Variants in TRA2A observed in about 807,000 individuals in gnomAD.
TRA2A encodes the protein transformer-2 protein homolog alpha.
In TRA2A, 31 loss-of-function variants were observed where a neutral mutation model predicts 45.7. That is an observed-to-expected ratio of 0.68 (90% confidence interval 0.51 to 0.92). TRA2A has a LOEUF of 0.92. Among genes scored for constraint, TRA2A ranks in the 40% least tolerant of loss-of-function variants. The probability of loss-of-function intolerance (pLI) is 0.00; values close to 1 mark genes in which losing one functional copy is unlikely to be tolerated. For missense variants in TRA2A, 304 were observed against 367.5 expected (o/e 0.83, Z 1.41); for synonymous variants, 132 against 126.2 (o/e 1.05, Z -0.31).
chr7:23,514,009 G>C (rs1281595659), intron 3 of TRA2A, among the ~76,000 whole-genome samples: 1 of 152,050 alleles, frequency 6.6e-6, no homozygotes, highest in Non-Finnish European at 1.5e-5. Context: ...AAATACTTAG[G>C]CTAAATTGTG....
intron 4 of TRA2A, among the ~76,000 whole-genome samples, chr7:23,511,953 T>A (rs531976574): frequency 6.6e-6 from 1 of 152,280 alleles, no homozygotes; most frequent in Admixed American, 6.5e-5. Context: ...AAATTAAACA[T>A]ATCAAACCCA....
chr7:23,506,486 T>C (rs899507393), intron 5 of TRA2A: 3 of 470,210 alleles, frequency 6.4e-6, no homozygotes, highest in Non-Finnish European at 7.3e-6. Flanking sequence ...TCAAAACTAT[T>C]AACTGCTTTT....
Position 23,505,470 on chromosome 7 carries a change from A to G in TRA2A, c.*89T>C. 2 of 571,472 alleles carry G rather than the reference A, an allele frequency of 3.5e-6. No individual in the cohort carries two copies. Among genetic ancestry groups the G allele is most frequent in the Non-Finnish European group, 3.1e-6 (1 of 320,434 alleles). 35.4% of individuals were successfully genotyped at this position (571,472 alleles called of 1,614,324 possible). On this transcript the variant is annotated 3_prime_UTR_variant, in exon 8 of 8. Coordinates refer to ENST00000297071, the MANE Select transcript of TRA2A (RefSeq NM_013293.5). ...AAAGTTTTTTTCTTAAGGAGTAGGA[A>G]GAATCCACAGCTTGGGGAAATCTCA...
intron 1 of TRA2A, among the ~76,000 whole-genome samples, chr7:23,529,609 C>G (rs887687622): frequency 6.6e-6 from 1 of 152,136 alleles, no homozygotes; most frequent in African/African-American, 2.4e-5. Flanking sequence ...TCGCATTGTT[C>G]TAATTCTTTA....
intron 1 of TRA2A, among the ~76,000 whole-genome samples, chr7:23,525,519 T>TC (rs1790306368): frequency 6.6e-6 from 1 of 152,216 alleles, no homozygotes; most frequent in Non-Finnish European, 1.5e-5. Context: ...TAAATAGGCC[T>TC]CCAGTCTATC....
chr7:23,520,544 T>C (rs1790088878), intron 2 of TRA2A, among the ~76,000 whole-genome samples: 1 of 152,222 alleles, frequency 6.6e-6, no homozygotes, highest in African/African-American at 2.4e-5. Context: ...GTATGGTTGC[T>C]AACCCCAAGA....
At chr7:23,531,377 G>A in intron 1 of TRA2A, 2 of 402,094 alleles carry the variant, frequency 5.0e-6, no homozygotes, top group Non-Finnish European at 7.1e-6. Context: ...CCTCTACGAT[G>A]CTCGGGGTCG....
At position 23,506,370 on chromosome 7, in the gene TRA2A, T is replaced by A. The variant is rs1562784606; in HGVS notation, c.642-104A>T. ...AAAAAGAGAAAAGTGAGGAAGAACA[T>A]CCCTTTCATGAGAAATTGCCTCCGT... On this transcript the variant is annotated intron_variant, in intron 5 of 7. Coordinates refer to ENST00000297071, the MANE Select transcript of TRA2A (RefSeq NM_013293.5). 7.4e-6 allele frequency: 10 copies of A among 1,345,152 alleles called. No homozygotes were observed. The African/African-American group carries it at 1.5e-4, about 20-fold the overall frequency. The allele number at this position is 1,345,152 out of a possible 1,614,324, so 83.3% of individuals were successfully genotyped here. A position where few individuals can be genotyped will look rare whatever the true frequency, so the allele number is the denominator to read the frequency against.
intron 1 of TRA2A, among the ~76,000 whole-genome samples, chr7:23,524,106 A>G (rs549543558): frequency 6.6e-6 from 1 of 152,356 alleles, no homozygotes; most frequent in African/African-American, 2.4e-5. Flanking sequence ...GTAACATCTT[A>G]AAATTCCAAT....
rs759167847 is a variant in TRA2A, at chr7:23,512,878, TA to T, written c.525+15del. 1 of 1,586,984 alleles carries T rather than the reference TA, an allele frequency of 6.3e-7. No individual in the cohort carries two copies. The highest frequency in any genetic ancestry group is 8.6e-7 in the Non-Finnish European group (1 of 1,164,198). ...TAATTCAGTACTATAATCAGGCATA[TA>T]AAAGACAAATTTACCTCCTTTGAGT... On this transcript the variant is annotated intron_variant, in intron 4 of 7. Transcript: ENST00000297071.
At chr7:23,506,484 A>C (rs1403030994) in intron 5 of TRA2A, 2 of 472,878 alleles carry the variant, frequency 4.2e-6, no homozygotes, top group African/African-American at 1.9e-5. Context: ...TCTCAAAACT[A>C]TTAACTGCTT....
intron 1 of TRA2A, chr7:23,522,121 AT>A (rs1167817040): frequency 7.9e-7 from 1 of 1,263,870 alleles, no homozygotes; most frequent in Non-Finnish European, 1.0e-6. Flanking sequence ...TAAACCATAC[AT>A]TTACTTAACC....
chr7:23,522,425 A>C, intron 1 of TRA2A: 1 of 1,258,338 alleles, frequency 7.9e-7, no homozygotes, highest in Non-Finnish European at 1.0e-6. Context: ...TTCTTCACGA[A>C]CATTAACCTT....
At position 23,531,856 on chromosome 7, in the gene TRA2A, A is replaced by C; in HGVS notation, c.-32T>G. 1 of 1,613,292 alleles carries C rather than the reference A, an allele frequency of 6.2e-7. No homozygotes were observed. The highest frequency in any genetic ancestry group is 8.5e-7 in the Non-Finnish European group (1 of 1,179,892). On this transcript the variant is annotated 5_prime_UTR_variant, in exon 1 of 8. Transcript: ENST00000297071. Reference sequence around the variant, plus strand: ...GAGGCGCTCCCCAGAACTAAATAAGAGACAAGTCTCGGCTCGAGGGCCGAT... The same window carrying C: ...GAGGCGCTCCCCAGAACTAAATAAGCGACAAGTCTCGGCTCGAGGGCCGAT...
At chr7:23,515,838 G>A (rs1043908605) in intron 3 of TRA2A, among the ~76,000 whole-genome samples, 4 of 150,312 alleles carry the variant, frequency 2.7e-5, no homozygotes, top group South Asian at 2.2e-4. Context: ...GAGCCACCAC[G>A]CCCAGCCTTC....
chr7:23,507,566 T>C, intron 4 of TRA2A, 31 bp from the exon 5 acceptor site: 3 of 1,455,626 alleles, frequency 2.1e-6, no homozygotes, highest in Non-Finnish European at 2.9e-6. Context: ...AAGTCACGTA[T>C]AATTCACCAG....
At chr7:23,530,272 C>T (rs940700558) in intron 1 of TRA2A, among the ~76,000 whole-genome samples, 1 of 152,118 alleles carries the variant, frequency 6.6e-6, no homozygotes, top group African/African-American at 2.4e-5. Context: ...CATTTGTTTC[C>T]ATGCTCCAAA....
chr7:23,512,359 T>G (rs1789661576), intron 4 of TRA2A, among the ~76,000 whole-genome samples: 1 of 152,152 alleles, frequency 6.6e-6, no homozygotes, highest in South Asian at 2.1e-4. Context: ...TGGCCCACAC[T>G]TGTAGTGTCT....
chr7:23,523,066 G>A (rs1335878141), intron 1 of TRA2A, among the ~76,000 whole-genome samples: 1 of 152,036 alleles, frequency 6.6e-6, no homozygotes, highest in Non-Finnish European at 1.5e-5. Flanking sequence ...TTCCCCATTA[G>A]CTTATTAATT....
Sources: gnomAD v4.1 joint callset for allele counts (sites outside exome capture counted in the v4.1 genomes callset) on GRCh38, gnomAD v4.1.1 for gene constraint, MANE v1.5 for transcripts, NCBI Gene and HGNC (gene_info 2026-07-23, HGNC 2026-07-21) for gene names.